Variants in ELMO1 observed in about 807,000 individuals in gnomAD.
ELMO1 encodes the protein engulfment and cell motility protein 1.
A neutral mutation model predicts 98.9 loss-of-function variants in ELMO1; 26 were observed. The observed-to-expected ratio is 0.26, with a 90% CI of 0.19 to 0.36. The LOEUF (loss-of-function observed/expected upper bound fraction) is 0.36, where lower values mean the gene tolerates loss of function less well. Ranked by LOEUF, ELMO1 falls within the 10% of genes least tolerant of loss-of-function variation. ELMO1 has a pLI of 1.00. For missense variants in ELMO1, 627 were observed against 935.2 expected, an observed-to-expected ratio of 0.67 and a Z score of 4.30; for synonymous variants, 346 against 346.0, an observed-to-expected ratio of 1.00 and a Z score of 0.00.
At chr7:37,415,117 GT>G (rs1804158125) in intron 1 of ELMO1, among the ~76,000 whole-genome samples, 1 of 152,302 alleles carries the variant, frequency 6.6e-6, no homozygotes, top group South Asian at 2.1e-4. Context: ...CTGATTCTTA[GT>G]TATATGCATA....
At chr7:37,355,913 T>C (rs1271984536) in intron 1 of ELMO1, among the ~76,000 whole-genome samples, 2 of 152,248 alleles carry the variant, frequency 1.3e-5, no homozygotes, top group African/African-American at 4.8e-5. Flanking sequence ...CTTCACCAAC[T>C]GTATGTTCTT....
intron 14 of ELMO1, among the ~76,000 whole-genome samples, chr7:37,104,376 C>T (rs1041396243): frequency 3.3e-5 from 5 of 151,418 alleles, no homozygotes; most frequent in Non-Finnish European, 5.9e-5. Flanking sequence ...ACATACTGAA[C>T]GCAGGCTGCT....
At chr7:37,085,604 C>T (rs1374322763) in intron 15 of ELMO1, among the ~76,000 whole-genome samples, 1 of 152,030 alleles carries the variant, frequency 6.6e-6, no homozygotes, top group Non-Finnish European at 1.5e-5. Flanking sequence ...TGGTACATCA[C>T]GATCCTACAA....
chr7:37,392,827 T>C (rs1803137630), intron 1 of ELMO1, among the ~76,000 whole-genome samples: 1 of 152,220 alleles, frequency 6.6e-6, no homozygotes, highest in Non-Finnish European at 1.5e-5. Context: ...AATCATCAAA[T>C]TGGCCTCTGG....
intron 16 of ELMO1, among the ~76,000 whole-genome samples, chr7:36,991,123 T>C (rs1401607414): frequency 2.0e-5 from 3 of 152,220 alleles, no homozygotes; most frequent in East Asian, 3.8e-4. Flanking sequence ...CCAGTTTTGT[T>C]TGATTAATTC....
At chr7:37,349,857 C>T (rs1370649555) in intron 1 of ELMO1, among the ~76,000 whole-genome samples, 1 of 152,216 alleles carries the variant, frequency 6.6e-6, no homozygotes, top group Non-Finnish European at 1.5e-5. Context: ...CTTCTTTGTG[C>T]TACCATCCTT....
chr7:37,100,239 T>C (rs1168199873), intron 14 of ELMO1, among the ~76,000 whole-genome samples: 2 of 152,224 alleles, frequency 1.3e-5, no homozygotes, highest in African/African-American at 4.8e-5. Flanking sequence ...CTGTTCCTCC[T>C]AGACAAAGCT....
intron 13 of ELMO1, among the ~76,000 whole-genome samples, chr7:37,171,895 C>T (rs928375819): frequency 1.3e-5 from 2 of 152,144 alleles, no homozygotes; most frequent in Non-Finnish European, 2.9e-5. Flanking sequence ...CAGATTCAAT[C>T]CAAAGACTAA....
At chr7:36,990,524 A>G (rs1426805309) in intron 16 of ELMO1, among the ~76,000 whole-genome samples, 21 of 152,074 alleles carry the variant, frequency 1.4e-4, no homozygotes, top group Admixed American at 1.4e-3. Context: ...TGGGGTGGGA[A>G]TCACTGCTGG....
At chr7:37,178,233 G>C (rs1293325325) in intron 13 of ELMO1, among the ~76,000 whole-genome samples, 1 of 151,958 alleles carries the variant, frequency 6.6e-6, no homozygotes, top group Non-Finnish European at 1.5e-5. Flanking sequence ...AAGGTCAAAG[G>C]CATGTCTTAC....
chr7:37,079,041 A>G (rs1354123613), intron 15 of ELMO1, among the ~76,000 whole-genome samples: 1 of 152,174 alleles, frequency 6.6e-6, no homozygotes, highest in Non-Finnish European at 1.5e-5. Flanking sequence ...AAAATACTAA[A>G]AGTGTGCACT....
intron 16 of ELMO1, among the ~76,000 whole-genome samples, chr7:36,990,227 T>G (rs1459398168): frequency 1.3e-5 from 2 of 152,332 alleles, no homozygotes; most frequent in East Asian, 3.9e-4. Flanking sequence ...TTTTTCGCCT[T>G]CTAGACTGTG....
At chr7:37,152,758 G>C (rs1323772391) in intron 13 of ELMO1, among the ~76,000 whole-genome samples, 2 of 152,106 alleles carry the variant, frequency 1.3e-5, no homozygotes, top group East Asian at 1.9e-4. Flanking sequence ...GAAAATGAAA[G>C]GAACAGAATT....
At chr7:37,233,796 AT>A (rs1286673930) in intron 7 of ELMO1, among the ~76,000 whole-genome samples, 2 of 152,160 alleles carry the variant, frequency 1.3e-5, no homozygotes, top group East Asian at 3.9e-4. Context: ...AAACATACTC[AT>A]TTTGATTTTG....
chr7:37,293,250 G>A (rs1267494004), intron 4 of ELMO1, among the ~76,000 whole-genome samples: 10 of 134,848 alleles, frequency 7.4e-5, no homozygotes, highest in African/African-American at 2.6e-4. Context: ...GGGCCATGAT[G>A]ACAATGGCGG....
intron 15 of ELMO1, among the ~76,000 whole-genome samples, chr7:37,094,997 T>C (rs1346724774): frequency 6.6e-6 from 1 of 152,184 alleles, no homozygotes; most frequent in Non-Finnish European, 1.5e-5. Context: ...GAAGAGCAGA[T>C]AGCTGGGCAC....
chr7:37,352,052 G>A (rs1431013041), intron 1 of ELMO1, among the ~76,000 whole-genome samples: 1 of 152,178 alleles, frequency 6.6e-6, no homozygotes, highest in Non-Finnish European at 1.5e-5. Flanking sequence ...GGAAAAAACT[G>A]AATAGAATAA....
chr7:37,168,162 G>C (rs1789861508), intron 13 of ELMO1, among the ~76,000 whole-genome samples: 1 of 152,096 alleles, frequency 6.6e-6, no homozygotes, highest in South Asian at 2.1e-4. Flanking sequence ...TCTTCACGTA[G>C]TTCTCAAACC....
At chr7:36,875,855 TG>T (rs916921946) in intron 19 of ELMO1, among the ~76,000 whole-genome samples, 1 of 152,184 alleles carries the variant, frequency 6.6e-6, no homozygotes, top group African/African-American at 2.4e-5. Context: ...CCAATTAGCA[TG>T]GGGGTGCTGT....
Sources: gnomAD v4.1 joint callset for allele counts (sites outside exome capture counted in the v4.1 genomes callset) on GRCh38, gnomAD v4.1.1 for gene constraint, MANE v1.5 for transcripts, NCBI Gene and HGNC (gene_info 2026-07-23, HGNC 2026-07-21) for gene names.